TAF13: variants seen among roughly 807,000 people sequenced by gnomAD.
The protein encoded by TAF13 is transcription initiation factor TFIID subunit 13.
TAF13 carries 9 observed loss-of-function variants against 18.7 expected under a neutral mutation model. The ratio of observed to expected loss-of-function variants is 0.48; its 90% CI spans 0.29 to 0.84. TAF13 has a LOEUF of 0.84. TAF13 is among the 40% of genes least tolerant of loss of function. The pLI, the probability that TAF13 is intolerant of heterozygous loss-of-function variation, is 0.08. For missense variants in TAF13, 105 were observed against 146.5 expected (o/e 0.72, Z 1.46); for synonymous variants, 49 against 44.1 (o/e 1.11, Z -0.44).
chr1:109,070,321 C>T (rs958268218), intron 2 of TAF13, among the ~76,000 whole-genome samples: 4 of 152,076 alleles, frequency 2.6e-5, no homozygotes, highest in Admixed American at 6.6e-5. Flanking sequence ...CGGGTTCAAG[C>T]GATTCTCCTG....
chr1:109,064,637 G>A lies in TAF13; in HGVS notation c.261C>T (p.Val87=), dbSNP rs755674468. 1 of 1,574,010 alleles carries A rather than the reference G, an allele frequency of 6.4e-7. No individual in the cohort carries two copies. Among genetic ancestry groups the A allele is most frequent in the South Asian group, 1.2e-5 (1 of 84,078 alleles). The change falls in exon 4 of 4, where the codon GTC becomes GTT. Residue 87 remains valine, a synonymous_variant. Coordinates refer to ENST00000338366, the MANE Select transcript of TAF13 (RefSeq NM_005645.4). The part of the protein sequence containing the change: ...RQGRVQVEDI[V]FLIRKDPRKF... Reference sequence around the variant, plus strand: ...TCCTTGGGTCCTTTCGAATCAAGAAGACGATATCTTCAACTTGTACTCGAC... The same window carrying A: ...TCCTTGGGTCCTTTCGAATCAAGAAAACGATATCTTCAACTTGTACTCGAC...
At chr1:109,070,704 T>A (rs1268813879) in intron 2 of TAF13, among the ~76,000 whole-genome samples, 2 of 126,286 alleles carry the variant, frequency 1.6e-5, no homozygotes, top group Non-Finnish European at 3.6e-5. Flanking sequence ...CCCCCCAAAT[T>A]TTTTTTTTAA....
chr1:109,067,600 G>A (rs1301531673), intron 2 of TAF13, among the ~76,000 whole-genome samples: 1 of 152,000 alleles, frequency 6.6e-6, no homozygotes, highest in Non-Finnish European at 1.5e-5. Context: ...ACAGAGGGAG[G>A]CTGTGTCTCA....
intron 2 of TAF13, among the ~76,000 whole-genome samples, chr1:109,070,680 C>G (rs551931357): frequency 6.6e-6 from 1 of 152,188 alleles, no homozygotes; most frequent in African/African-American, 2.4e-5. Context: ...AGGCATGAGC[C>G]ACCGTACCCA....
At chr1:109,068,738 A>G (rs1043677442) in intron 2 of TAF13, among the ~76,000 whole-genome samples, 1 of 152,090 alleles carries the variant, frequency 6.6e-6, no homozygotes, top group South Asian at 2.1e-4. Flanking sequence ...GCGGTGGTTC[A>G]CGCCTATAAT....
At chr1:109,068,728 G>A (rs773570637) in intron 2 of TAF13, among the ~76,000 whole-genome samples, 3 of 152,108 alleles carry the variant, frequency 2.0e-5, no homozygotes, top group Non-Finnish European at 2.9e-5. Flanking sequence ...GAAGGCCAGC[G>A]CGGTGGTTCA....
chr1:109,073,872 G>A (rs1664126518), intron 2 of TAF13, among the ~76,000 whole-genome samples: 1 of 151,878 alleles, frequency 6.6e-6, no homozygotes, highest in African/African-American at 2.4e-5. Flanking sequence ...GCCCCGTCTG[G>A]GATGTGAGGA....
rs552200376 is a variant in TAF13, at chr1:109,075,960, C to G, written c.-13G>C. 2 of 1,614,222 alleles carry G rather than the reference C, an allele frequency of 1.2e-6. No homozygotes were observed. The highest frequency in any genetic ancestry group is 1.7e-6 in the Non-Finnish European group (2 of 1,180,042). Reference sequence around the variant, plus strand: ...CCTCATCTGCCATCCCACTAGCACGCCAACTCACAGCGTCCTGCCGGCTGG... The same window carrying G: ...CCTCATCTGCCATCCCACTAGCACGGCAACTCACAGCGTCCTGCCGGCTGG... On this transcript the variant is annotated 5_prime_UTR_variant, in exon 1 of 4. Coordinates refer to ENST00000338366, the MANE Select transcript of TAF13 (RefSeq NM_005645.4).
intron 1 of TAF13, among the ~76,000 whole-genome samples, chr1:109,075,479 C>T (rs533036409): frequency 6.6e-6 from 1 of 152,168 alleles, no homozygotes; most frequent in South Asian, 2.1e-4. Flanking sequence ...TAAGTAAGCC[C>T]GTAACCCTAT....
chr1:109,069,854 TA>T (rs1341499540), intron 2 of TAF13, among the ~76,000 whole-genome samples: 1 of 151,772 alleles, frequency 6.6e-6, no homozygotes, highest in Non-Finnish European at 1.5e-5. Flanking sequence ...GAAACAGGAG[TA>T]AAAAAACAAA....
chr1:109,065,823 A>G (rs1336122270), intron 3 of TAF13, among the ~76,000 whole-genome samples: 1 of 151,476 alleles, frequency 6.6e-6, no homozygotes, highest in African/African-American at 2.4e-5. Context: ...TCGGAGGCTG[A>G]GGCAGGAGAA....
At chr1:109,073,635 G>T (rs964837446) in intron 2 of TAF13, among the ~76,000 whole-genome samples, 1 of 152,198 alleles carries the variant, frequency 6.6e-6, no homozygotes, top group Non-Finnish European at 1.5e-5. Context: ...CCGAGGTGCC[G>T]GGATTCCAGA....
At chr1:109,072,367 A>G (rs1445756257) in intron 2 of TAF13, among the ~76,000 whole-genome samples, 1 of 151,746 alleles carries the variant, frequency 6.6e-6, no homozygotes, top group African/African-American at 2.4e-5. Flanking sequence ...TCGTGTTGCC[A>G]AAAAGGGTCA....
At chr1:109,065,918 T>A (rs1663943749) in intron 3 of TAF13, among the ~76,000 whole-genome samples, 2 of 132,884 alleles carry the variant, frequency 1.5e-5, no homozygotes, top group Non-Finnish European at 1.6e-5. Flanking sequence ...CGAAACTCCA[T>A]CTCAAAAAAA....
chr1:109,066,666 A>G (rs142550005), intron 2 of TAF13, among the ~76,000 whole-genome samples: 73 of 152,270 alleles, frequency 4.8e-4, no homozygotes, highest in Middle Eastern at 6.8e-3. Flanking sequence ...TGATATTACC[A>G]TAGGGGAAAA....
rs1663910186 is a variant in TAF13, at chr1:109,064,176, A to AAAAAC, written c.*346_*347insGTTTT. 6.6e-6 allele frequency: 1 copy of AAAAAC among 151,432 alleles called. No homozygotes were observed. The highest frequency in any genetic ancestry group is 1.4e-5 in the Non-Finnish European group (1 of 69,640). The allele number at this position is 151,432 out of a possible 1,614,324, so 9.4% of individuals were successfully genotyped here. A position where few individuals can be genotyped will look rare whatever the true frequency, so the allele number is the denominator to read the frequency against. ...CATCTCAAAAAAAAAAAAAAAAAAA[A>AAAAAC]AAAAAGCTACAGTATAGCTTACAAG... On this transcript the variant is annotated 3_prime_UTR_variant, in exon 4 of 4. Coordinates refer to ENST00000338366, the MANE Select transcript of TAF13 (RefSeq NM_005645.4).
chr1:109,067,809 C>T (rs1663978576), intron 2 of TAF13, among the ~76,000 whole-genome samples: 1 of 152,042 alleles, frequency 6.6e-6, no homozygotes, highest in Admixed American at 6.6e-5. Context: ...TTGATTATCC[C>T]CATTCTATAG....
At chr1:109,075,878 G>A (rs1430602413) in intron 1 of TAF13, 43 bp downstream of exon 1, 1 of 1,613,978 alleles carries the variant, frequency 6.2e-7, no homozygotes, top group Non-Finnish European at 8.5e-7. Context: ...TGAGCCCGAA[G>A]GAGTGAAGAA....
At chr1:109,067,048 G>T (rs368365829) in intron 2 of TAF13, among the ~76,000 whole-genome samples, 62 of 152,218 alleles carry the variant, frequency 4.1e-4, no homozygotes, top group African/African-American at 1.4e-3. Context: ...AAGAAACAGG[G>T]TACTCAAAAT....
Sources: gnomAD v4.1 joint callset for allele counts (sites outside exome capture counted in the v4.1 genomes callset) on GRCh38, gnomAD v4.1.1 for gene constraint, MANE v1.5 for transcripts, NCBI Gene and HGNC (gene_info 2026-07-23, HGNC 2026-07-21) for gene names.